Variants in MAP3K3 observed in about 807,000 individuals in gnomAD.
MAP3K3 encodes the protein MAP/ERK kinase kinase 3.
A neutral mutation model predicts 80.9 loss-of-function variants in MAP3K3; 12 were observed. The ratio of observed to expected loss-of-function variants is 0.15; its 90% confidence interval spans 0.10 to 0.24. The LOEUF is 0.24. Ranked by LOEUF, MAP3K3 falls within the 10% of genes least tolerant of loss-of-function variation. MAP3K3 has a pLI of 1.00. For missense variants in MAP3K3, 596 were observed against 834.7 expected, an observed-to-expected ratio of 0.71 and a Z score of 3.52; for synonymous variants, 272 against 307.1, an observed-to-expected ratio of 0.89 and a Z score of 1.19.
rs770352176 is a variant in MAP3K3 at position 63,688,570 on chromosome 17, C to T, written c.754C>T (p.Pro252Ser). Residue 252 changes from proline to serine, a missense_variant, in exon 9 of 16, where the codon CCT becomes TCT. Physicochemically the swap from Pro to Ser is moderately conservative, Grantham distance 74. This residue lies in a region of MAP3K3 where 364 missense variants were observed against 588.9 expected (regional missense o/e 0.62). Transcript: ENST00000361733. ...KSRMSRAQSF[P>S]DNRQEYSDRE... ...ACGAATGTCCCGTGCCCAGAGCTTCCCTGACAACAGACAGGAATACTCAGG... is the reference window on the plus strand; with the variant it reads ...ACGAATGTCCCGTGCCCAGAGCTTCTCTGACAACAGACAGGAATACTCAGG... The T allele has an allele frequency of 1.9e-6, 3 of 1,614,022 alleles. No homozygotes were observed. Among genetic ancestry groups the T allele is most frequent in the African/African-American group, 2.7e-5 (2 of 74,906 alleles).
intron 5 of MAP3K3, among the ~76,000 whole-genome samples, chr17:63,665,162 G>A (rs2034974826): frequency 6.6e-6 from 1 of 151,916 alleles, no homozygotes. Context: ...AAATTAGCTG[G>A]GCGTGGTGGC....
intron 8 of MAP3K3, among the ~76,000 whole-genome samples, chr17:63,687,993 C>CTG (rs1435375777): frequency 6.6e-6 from 1 of 151,888 alleles, no homozygotes; most frequent in Admixed American, 6.6e-5. Flanking sequence ...ATACATAGGA[C>CTG]TGTGTGTGCC....
At chr17:63,675,805 G>A (rs1249188477) in intron 6 of MAP3K3, among the ~76,000 whole-genome samples, 7 of 152,194 alleles carry the variant, frequency 4.6e-5, no homozygotes, top group Non-Finnish European at 7.3e-5. Context: ...GAAAGCCTGT[G>A]ACCCCTGCCT....
chr17:63,680,777 T>C (rs2035314695), intron 6 of MAP3K3, among the ~76,000 whole-genome samples: 1 of 151,690 alleles, frequency 6.6e-6, no homozygotes, highest in South Asian at 2.1e-4. Context: ...CTGTAAAACA[T>C]AAATAATTGT....
chr17:63,662,650 A>ATTTTTTTTTTTTTT (rs1192833142), intron 5 of MAP3K3, among the ~76,000 whole-genome samples: 2 of 82,564 alleles, frequency 2.4e-5, no homozygotes, highest in Non-Finnish European at 4.3e-5. Flanking sequence ...AGAAGAGGGA[A>ATTTTTTTTTTTTTT]TTTTTTTTTT....
chr17:63,644,957 A>G (rs1005613925), intron 2 of MAP3K3, among the ~76,000 whole-genome samples: 2 of 151,810 alleles, frequency 1.3e-5, no homozygotes, highest in Admixed American at 1.3e-4. Flanking sequence ...CTTCTGTAAT[A>G]TCTCTCTCCT....
intron 6 of MAP3K3, among the ~76,000 whole-genome samples, chr17:63,672,157 C>G (rs1392377353): frequency 6.6e-6 from 1 of 151,880 alleles, no homozygotes; most frequent in Non-Finnish European, 1.5e-5. Flanking sequence ...GTGGCATGCG[C>G]CTGTAATCCC....
chr17:63,684,471 T>G (rs903934733), intron 7 of MAP3K3, among the ~76,000 whole-genome samples: 4 of 152,228 alleles, frequency 2.6e-5, no homozygotes, highest in Admixed American at 6.5e-5. Context: ...TTAATTTGCC[T>G]TGATTGGCAG....
At chr17:63,678,588 C>T (rs1443758729) in intron 6 of MAP3K3, among the ~76,000 whole-genome samples, 1 of 152,210 alleles carries the variant, frequency 6.6e-6, no homozygotes, top group Non-Finnish European at 1.5e-5. Context: ...GCCAGAGAGA[C>T]ATCCTTGGAG....
intron 1 of MAP3K3, among the ~76,000 whole-genome samples, chr17:63,628,658 C>A (rs1239473724): frequency 6.6e-6 from 1 of 152,140 alleles, no homozygotes; most frequent in Non-Finnish European, 1.5e-5. Flanking sequence ...CTGGGCCCTG[C>A]CAATTCTATC....
chr17:63,687,067 T>C (rs906456436), intron 8 of MAP3K3, among the ~76,000 whole-genome samples: 2 of 152,140 alleles, frequency 1.3e-5, no homozygotes, highest in African/African-American at 2.4e-5. Context: ...TTCATAGACC[T>C]GGATTTAAAG....
intron 6 of MAP3K3, among the ~76,000 whole-genome samples, chr17:63,669,731 C>T (rs1435854252): frequency 1.3e-5 from 2 of 152,074 alleles, no homozygotes; most frequent in Admixed American, 6.6e-5. Flanking sequence ...GGATTACAGG[C>T]GTGAGCCACC....
At chr17:63,669,170 G>A (rs573890511) in intron 6 of MAP3K3, among the ~76,000 whole-genome samples, 1 of 152,318 alleles carries the variant, frequency 6.6e-6, no homozygotes, top group South Asian at 2.1e-4. Flanking sequence ...TAACTGGAAT[G>A]ATCTGGAAAA....
chr17:63,686,883 T>TCTGGAGCCAGACAAAC (rs2035462201), intron 8 of MAP3K3, among the ~76,000 whole-genome samples: 1 of 152,148 alleles, frequency 6.6e-6, no homozygotes, highest in Non-Finnish European at 1.5e-5. Context: ...GGGCATGAGA[T>TCTGGAGCCAGACAAAC]CTGGAGCCAG....
intron 2 of MAP3K3, among the ~76,000 whole-genome samples, chr17:63,633,699 GT>G (rs1343364694): frequency 6.6e-6 from 1 of 152,172 alleles, no homozygotes; most frequent in Non-Finnish European, 1.5e-5. Context: ...CCACTTACCT[GT>G]TTCCTGGGTA....
chr17:63,688,427 T>G, intron 8 of MAP3K3, 100 bp from the exon 9 acceptor site: 1 of 915,098 alleles, frequency 1.1e-6, no homozygotes, highest in South Asian at 1.3e-5. Flanking sequence ...TTCCCCCACC[T>G]AATGCTGTGG....
At chr17:63,629,876 A>G (rs1212932653) in intron 1 of MAP3K3, among the ~76,000 whole-genome samples, 1 of 152,222 alleles carries the variant, frequency 6.6e-6, no homozygotes, top group Non-Finnish European at 1.5e-5. Context: ...GAATTTGTCA[A>G]CCTGATAAAC....
Position 63,689,394 on chromosome 17 carries a change from G to A in MAP3K3, c.872-150G>A, listed in dbSNP as rs1489923571. 6.3e-6 allele frequency: 4 copies of A among 639,650 alleles called. No homozygotes were observed. The highest frequency in any genetic ancestry group is 1.1e-5 in the Non-Finnish European group (4 of 371,990). The allele number at this position is 639,650 out of a possible 1,614,324, so 39.6% of individuals were successfully genotyped here. ...AGTCAGGTGGGAGTGCGGACGGGAT[G>A]GGCTGGAGCTGGTATTATCTATCAC... On this transcript the variant is annotated intron_variant, in intron 10 of 15. Transcript: ENST00000361733. The surrounding 1 kb of genome is among the most constrained non-coding windows in gnomAD (Gnocchi z 4.3).
At chr17:63,633,588 C>G (rs866052682) in intron 2 of MAP3K3, among the ~76,000 whole-genome samples, 1 of 152,216 alleles carries the variant, frequency 6.6e-6, no homozygotes, top group African/African-American at 2.4e-5. Flanking sequence ...TTGATAGTGC[C>G]TGTTTTATTG....
Sources: gnomAD v4.1 joint callset for allele counts (sites outside exome capture counted in the v4.1 genomes callset) on GRCh38, gnomAD v4.1.1 for gene constraint, gnomAD v4.1.1 regional missense constraint, Gnocchi (gnomAD v3.1) non-coding constraint, MANE v1.5 for transcripts, NCBI Gene and HGNC (gene_info 2026-07-23, HGNC 2026-07-21) for gene names.